The following ERC1 variants were observed in gnomAD, a reference collection of about 807,000 sequenced individuals.
The protein encoded by ERC1 is ELKS/RAB6-interacting/CAST family member 1, also known as RAB6 interacting protein 2.
In ERC1, 56 loss-of-function variants were observed where a neutral mutation model predicts 132.0. The observed-to-expected ratio is 0.42, with a 90% CI of 0.34 to 0.53. The LOEUF is 0.53. Ranked by LOEUF, ERC1 falls within the 20% of genes least tolerant of loss-of-function variation. ERC1 has a pLI of 0.03. For synonymous variants in ERC1, 478 were observed against 476.1 expected (o/e 1.00, Z -0.05); for missense variants, 1,202 against 1,349.9 (o/e 0.89, Z 1.72).
intron 1 of ERC1, among the ~76,000 whole-genome samples, chr12:1,020,524 C>T (rs1471653073): frequency 6.6e-6 from 1 of 152,178 alleles, no homozygotes; most frequent in Non-Finnish European, 1.5e-5. Context: ...GTGATTCTGA[C>T]TCAGGGTATC....
intron 17 of ERC1, among the ~76,000 whole-genome samples, chr12:1,442,624 C>G (rs2093188882): frequency 6.6e-6 from 1 of 152,192 alleles, no homozygotes. Context: ...TTTTAGCAAG[C>G]TGAAGATTGT....
chr12:1,356,213 A>AGTGTGTGTGTGTGTGTGTGTGT (rs71055145), intron 15 of ERC1, among the ~76,000 whole-genome samples: 1 of 130,010 alleles, frequency 7.7e-6, no homozygotes, highest in African/African-American at 3.4e-5. Flanking sequence ...AAAAAAAAAA[A>AGTGTGTGTGTGTGTGTGTGTGT]GTGTGTGTGT....
chr12:1,379,176 T>C lies in ERC1; in HGVS notation c.2925+7199T>C, dbSNP rs542205779. ...GGGTGGCCACACTAGTGTATTTTCC[T>C]CTCACGTTTTACCATAAGCAGCAAG... On this transcript the variant is annotated intron_variant, in intron 16 of 18. Transcript: ENST00000360905. Among the ~76,000 whole-genome samples the C allele has an allele frequency of 1.8e-4, 27 of 152,188 alleles. 1 individual carries two copies. The highest frequency in any genetic ancestry group is 3.2e-3 in the Middle Eastern group (1 of 316).
At chr12:1,276,054 C>G (rs1373638622) in intron 14 of ERC1, among the ~76,000 whole-genome samples, 6 of 152,038 alleles carry the variant, frequency 3.9e-5, no homozygotes, top group Non-Finnish European at 8.8e-5. Flanking sequence ...TTGTTGGGTC[C>G]TTTTTCAGAA....
At chr12:1,324,132 T>G (rs1193188673) in intron 15 of ERC1, among the ~76,000 whole-genome samples, 3 of 152,210 alleles carry the variant, frequency 2.0e-5, no homozygotes, top group African/African-American at 7.2e-5. Flanking sequence ...AGTTAATTGA[T>G]CTGATAAATT....
intron 14 of ERC1, among the ~76,000 whole-genome samples, chr12:1,266,427 T>G (rs891324030): frequency 8.0e-6 from 1 of 124,474 alleles, no homozygotes; most frequent in Non-Finnish European, 1.6e-5. Context: ...TTTTTTGAGA[T>G]GGAGTCTTGC....
At chr12:1,141,063 C>G (rs776246088) in intron 7 of ERC1, among the ~76,000 whole-genome samples, 1 of 152,052 alleles carries the variant, frequency 6.6e-6, no homozygotes, top group Non-Finnish European at 1.5e-5. Flanking sequence ...AAAGTTATAT[C>G]TAATGAAAGG....
At chr12:1,287,615 A>G (rs146170607) in intron 14 of ERC1, among the ~76,000 whole-genome samples, 14 of 152,332 alleles carry the variant, frequency 9.2e-5, no homozygotes, top group Admixed American at 1.3e-4. Context: ...GAACTGGGAC[A>G]TTAGCTTTTC....
At chr12:1,414,750 G>A (rs2092030276) in intron 17 of ERC1, among the ~76,000 whole-genome samples, 1 of 151,666 alleles carries the variant, frequency 6.6e-6, no homozygotes, top group Non-Finnish European at 1.5e-5. Context: ...GTAGAATGTA[G>A]GCCCCATGAG....
At chr12:1,225,374 C>G (rs1477439459) in intron 12 of ERC1, among the ~76,000 whole-genome samples, 1 of 151,576 alleles carries the variant, frequency 6.6e-6, no homozygotes, top group Non-Finnish European at 1.5e-5. Context: ...CAATTGAGCC[C>G]AGGAGTTCAA....
intron 2 of ERC1, among the ~76,000 whole-genome samples, chr12:1,047,082 G>A (rs1971186214): frequency 6.6e-6 from 1 of 152,046 alleles, no homozygotes; most frequent in Admixed American, 6.6e-5. Context: ...TTTCCCCAGA[G>A]GTCTGTTGAT....
chr12:1,225,557 C>T (rs1401638833), intron 12 of ERC1, among the ~76,000 whole-genome samples: 1 of 151,580 alleles, frequency 6.6e-6, no homozygotes, highest in Non-Finnish European at 1.5e-5. Context: ...TGAAACACGA[C>T]TAAAAACACC....
chr12:1,473,684 GCCTCACAGCCATTACCACTTCCGGC>G (rs1235780562), intron 18 of ERC1, among the ~76,000 whole-genome samples: 1 of 150,124 alleles, frequency 6.7e-6, no homozygotes, highest in Admixed American at 6.6e-5. Context: ...CCCCACAGCA[GCCTCACAGCCATTACCACTTCCGGC>G]CCACTTGCAC....
intron 11 of ERC1, among the ~76,000 whole-genome samples, chr12:1,189,090 T>C (rs1338488056): frequency 6.6e-6 from 1 of 152,308 alleles, no homozygotes; most frequent in Admixed American, 6.5e-5. Context: ...AATTTTTTTT[T>C]CCAATAGAGA....
chr12:1,073,417 C>T (rs1042040413), intron 2 of ERC1, among the ~76,000 whole-genome samples: 7 of 152,056 alleles, frequency 4.6e-5, no homozygotes, highest in Admixed American at 3.3e-4. Context: ...AATCCAGCAC[C>T]AAGGTGGGCG....
chr12:1,159,192 C>T (rs1181757488), intron 8 of ERC1, among the ~76,000 whole-genome samples: 1 of 152,088 alleles, frequency 6.6e-6, no homozygotes, highest in Admixed American at 6.5e-5. Context: ...GAATTGATTC[C>T]TTAGAGCCTT....
At chr12:1,153,951 C>A (rs1412119514) in intron 8 of ERC1, among the ~76,000 whole-genome samples, 2 of 152,136 alleles carry the variant, frequency 1.3e-5, no homozygotes, top group African/African-American at 4.8e-5. Flanking sequence ...GAATAATGTA[C>A]ATTGTATTCA....
intron 1 of ERC1, among the ~76,000 whole-genome samples, chr12:1,012,181 A>G (rs1964787576): frequency 6.6e-6 from 1 of 152,218 alleles, no homozygotes; most frequent in Non-Finnish European, 1.5e-5. Flanking sequence ...ATCAAAAGAT[A>G]TGTTTTTAAG....
At position 1,083,565 on chromosome 12, in the gene ERC1, C is replaced by G; in HGVS notation, c.1071C>G (p.Asn357Lys). ...ESLLEQKEKE[N>K]SMLREEMHRR... The stretch of plus-strand genomic sequence containing the variant: ...TTTTGGAGCAGAAGGAAAAAGAGAA[C>G]AGTATGTTGAGAGAGGTATGTGACT... Residue 357 changes from asparagine (N) to lysine (K), a missense_variant, in exon 3 of 19, where the codon AAC (asparagine) becomes AAG (lysine). Physicochemically the swap from Asn to Lys is moderately conservative, Grantham distance 94 (BLOSUM62 0). Transcript: ENST00000360905. 2 of 1,602,602 alleles carry G rather than the reference C, an allele frequency of 1.2e-6. No individual in the cohort carries two copies. The highest frequency in any genetic ancestry group is 2.2e-5 in the South Asian group (2 of 88,900).
Sources: gnomAD v4.1 joint callset for allele counts (sites outside exome capture counted in the v4.1 genomes callset) on GRCh38, gnomAD v4.1.1 for gene constraint, MANE v1.5 for transcripts, NCBI Gene and HGNC (gene_info 2026-07-23, HGNC 2026-07-21) for gene names.